OTUD7A: variants seen among roughly 807,000 people sequenced by gnomAD.
OTUD7A encodes the protein OTU domain-containing protein 7A.
In OTUD7A, 12 loss-of-function variants were observed where a neutral mutation model predicts 65.7. The ratio of observed to expected loss-of-function variants is 0.18; its 90% CI spans 0.12 to 0.30. The LOEUF is 0.30. OTUD7A is among the 10% of genes least tolerant of loss of function. OTUD7A has a pLI of 1.00. For synonymous variants in OTUD7A, 641 were observed against 586.3 expected, an observed-to-expected ratio of 1.09 and a Z score of -1.35; for missense variants, 1,148 against 1,304.8, an observed-to-expected ratio of 0.88 and a Z score of 1.85.
intron 1 of OTUD7A, among the ~76,000 whole-genome samples, chr15:31,848,613 T>C (rs1897344647): frequency 6.6e-6 from 1 of 152,220 alleles, no homozygotes; most frequent in Non-Finnish European, 1.5e-5. Context: ...CTTCCCCTGG[T>C]CTGACTCAGC....
intron 1 of OTUD7A, among the ~76,000 whole-genome samples, chr15:31,742,916 C>A (rs973141857): frequency 6.6e-6 from 1 of 151,792 alleles, no homozygotes; most frequent in African/African-American, 2.4e-5. Flanking sequence ...ACCAGGAAGA[C>A]AATAAATATA....
intron 1 of OTUD7A, among the ~76,000 whole-genome samples, chr15:31,759,648 C>T (rs1447741726): frequency 6.6e-6 from 1 of 152,184 alleles, no homozygotes; most frequent in Non-Finnish European, 1.5e-5. Context: ...ATTCTCCTAC[C>T]TCAGCCTCCC....
At chr15:31,488,819 G>A (rs1446912684) in intron 10 of OTUD7A, among the ~76,000 whole-genome samples, 2 of 152,146 alleles carry the variant, frequency 1.3e-5, no homozygotes, top group East Asian at 1.9e-4. Flanking sequence ...CTCCACCCCC[G>A]CACCTCTTCT....
chr15:31,652,551 C>G (rs548850228), intron 3 of OTUD7A, among the ~76,000 whole-genome samples: 1 of 152,250 alleles, frequency 6.6e-6, no homozygotes, highest in East Asian at 1.9e-4. Flanking sequence ...AAGTCAAGCA[C>G]AGATTGGGAG....
chr15:31,650,941 A>G (rs1195260491), intron 3 of OTUD7A, among the ~76,000 whole-genome samples: 3 of 151,394 alleles, frequency 2.0e-5, no homozygotes, highest in Non-Finnish European at 1.5e-5. Context: ...AACTACAAAA[A>G]TAGAAAACAC....
At chr15:31,767,118 A>ATT in intron 1 of OTUD7A, 2 of 1,527,152 alleles carry the variant, frequency 1.3e-6, no homozygotes, top group Non-Finnish European at 1.8e-6. Flanking sequence ...ATTCTTCTTT[A>ATT]TTTTTTTTTC....
intron 1 of OTUD7A, among the ~76,000 whole-genome samples, chr15:31,833,961 C>A (rs1404326425): frequency 1.3e-5 from 2 of 152,210 alleles, no homozygotes; most frequent in Admixed American, 6.5e-5. Flanking sequence ...AGCCCACATT[C>A]TTCAGAGCCT....
rs182096170 is a variant in OTUD7A, at chr15:31,593,679, G to C, written c.152-23482C>G. Among the ~76,000 whole-genome samples the C allele has an allele frequency of 1.9e-3, 287 of 152,228 alleles. 1 individual carries two copies. Among genetic ancestry groups the C allele is most frequent in the African/African-American group, 6.5e-3 (269 of 41,526 alleles). Reference sequence around the variant, plus strand: ...GGCTGGGCTGTAGGGCGGGACCAGAGAGGACCAAAATGATAGTCCAGCGGG... The same window carrying C: ...GGCTGGGCTGTAGGGCGGGACCAGACAGGACCAAAATGATAGTCCAGCGGG... On this transcript the variant is annotated intron_variant, in intron 3 of 12. Transcript: ENST00000307050.
intron 3 of OTUD7A, among the ~76,000 whole-genome samples, chr15:31,593,083 T>C (rs1209557681): frequency 6.6e-6 from 1 of 151,584 alleles, no homozygotes; most frequent in African/African-American, 2.4e-5. Context: ...TACATAGTTG[T>C]ATGTGCTAGA....
At chr15:31,643,128 C>G (rs1315508775) in intron 3 of OTUD7A, among the ~76,000 whole-genome samples, 6 of 117,866 alleles carry the variant, frequency 5.1e-5, no homozygotes, top group Admixed American at 2.7e-4. Context: ...TTTTCCACAG[C>G]TCACAGATGC....
In OTUD7A at chr15:31,484,638, A is replaced by C. The variant is rs1295563755; in HGVS notation, c.1458T>G (p.Asp486Glu). ...SLADSLDSDR[D>E]SVCSNSNSNN... Reference sequence around the variant, plus strand: ...TGCTGTTAGAATTGCTGCACACCGAATCGCGGTCCGAGTCCAGCGAGTCGG... The same window carrying C: ...TGCTGTTAGAATTGCTGCACACCGACTCGCGGTCCGAGTCCAGCGAGTCGG... Residue 486 changes from aspartate to glutamate, a missense_variant, in exon 13 of 13, where the codon GAT (aspartate) becomes GAG (glutamate). Physicochemically the swap from Asp to Glu is conservative, Grantham distance 45. Around this residue, in one of 6 missense-constraint regions of OTUD7A, gnomAD observed 842 missense variants for 769.5 expected, o/e 1.09. Transcript: ENST00000307050. The surrounding 1 kb of genome is among the most constrained non-coding windows in gnomAD (Gnocchi z 4.5). The C allele has an allele frequency of 2.5e-6, 4 of 1,589,360 alleles. No individual in the cohort carries two copies. The highest frequency in any genetic ancestry group is 1.3e-5 in the African/African-American group (1 of 74,574).
At chr15:31,745,980 A>G (rs572904658) in intron 1 of OTUD7A, among the ~76,000 whole-genome samples, 1 of 152,310 alleles carries the variant, frequency 6.6e-6, no homozygotes, top group South Asian at 2.1e-4. Flanking sequence ...TTAGACCTCA[A>G]ACAGATACCA....
At chr15:31,836,831 G>T (rs377639993) in intron 1 of OTUD7A, among the ~76,000 whole-genome samples, 2 of 152,126 alleles carry the variant, frequency 1.3e-5, no homozygotes, top group East Asian at 1.9e-4. Context: ...AACTAGAAAA[G>T]AACTTTCTCA....
intron 1 of OTUD7A, among the ~76,000 whole-genome samples, chr15:31,681,775 C>A (rs888107806): frequency 2.7e-5 from 4 of 148,664 alleles, no homozygotes; most frequent in Non-Finnish European, 4.4e-5. Flanking sequence ...CTTTTCAGTT[C>A]CTTTCACTCT....
At chr15:31,735,306 ACC>A (rs1894157391) in intron 1 of OTUD7A, among the ~76,000 whole-genome samples, 1 of 152,080 alleles carries the variant, frequency 6.6e-6, no homozygotes, top group Admixed American at 6.6e-5. Flanking sequence ...GGGGTGGATC[ACC>A]TGAGGTCAGG....
intron 4 of OTUD7A, among the ~76,000 whole-genome samples, chr15:31,561,784 T>TCACACACA (rs3075495): frequency 0.01 from 1,567 of 150,500 alleles, 20 homozygotes; most frequent in African/African-American, 0.029. Flanking sequence ...ACACACAGAG[T>TCACACACA]CACACACACA....
chr15:31,561,094 G>T (rs1888672761), intron 4 of OTUD7A, among the ~76,000 whole-genome samples: 1 of 152,202 alleles, frequency 6.6e-6, no homozygotes, highest in African/African-American at 2.4e-5. Context: ...GCAATGGGTG[G>T]TTTAGATTCA....
At chr15:31,508,507 G>T (rs1333885164) in intron 8 of OTUD7A, among the ~76,000 whole-genome samples, 1 of 152,152 alleles carries the variant, frequency 6.6e-6, no homozygotes, top group Non-Finnish European at 1.5e-5. Flanking sequence ...CCGCCACCAC[G>T]CTCGGCTAAT....
rs1318445264 is a variant in OTUD7A, at chr15:31,510,870, CTATATGTAACATATATGTAT to C, written c.894-7072_894-7053del. ...ATCTATATGTAACATATATGTATAT[CTATATGTAACATATATGTAT>C]ATCTATATGTAACATATATGTATAT... On this transcript the variant is annotated intron_variant, in intron 8 of 12. Transcript: ENST00000307050. Among the ~76,000 whole-genome samples the C allele has an allele frequency of 5.4e-5, 2 of 37,216 alleles. 1 individual carries two copies. The highest frequency in any genetic ancestry group is 3.5e-4 in the African/African-American group (2 of 5,672). 24.4% of individuals were successfully genotyped at this position (37,216 alleles called of 152,430 possible).
Sources: gnomAD v4.1 joint callset for allele counts (sites outside exome capture counted in the v4.1 genomes callset) on GRCh38, gnomAD v4.1.1 for gene constraint, gnomAD v4.1.1 regional missense constraint, Gnocchi (gnomAD v3.1) non-coding constraint, MANE v1.5 for transcripts, NCBI Gene and HGNC (gene_info 2026-07-23, HGNC 2026-07-21) for gene names.